Variants in ZNF385D observed in about 807,000 individuals in gnomAD.
ZNF385D encodes the protein zinc finger protein 385D.
Under a neutral mutation model 35.8 loss-of-function variants are expected in ZNF385D, and 15 were observed. The ratio of observed to expected loss-of-function variants is 0.42; its 90% CI spans 0.28 to 0.64. ZNF385D has a LOEUF of 0.64. ZNF385D is among the 30% of genes least tolerant of loss of function. The pLI is 0.23. For missense variants in ZNF385D, 474 were observed against 494.6 expected (o/e 0.96, Z 0.39); for synonymous variants, 212 against 186.8 (o/e 1.13, Z -1.10).
intron 3 of ZNF385D, among the ~76,000 whole-genome samples, chr3:22,049,630 ATGT>A (rs1416755574): frequency 1.3e-5 from 2 of 152,172 alleles, no homozygotes; most frequent in East Asian, 3.8e-4. Context: ...ATTTAGTTTG[ATGT>A]TATTAATACC....
Position 21,680,647 on chromosome 3 carries a change from G to A in ZNF385D, c.23-15619C>T, listed in dbSNP as rs565384125. 3.2e-3 allele frequency among the ~76,000 whole-genome samples: 492 copies of A among 152,206 alleles called. 2 individuals are homozygous for A. The highest frequency in any genetic ancestry group is 0.012 in the African/African-American group (478 of 41,538). On this transcript the variant is annotated intron_variant, in intron 1 of 7. Transcript: ENST00000281523. ...ACTAATCACATGGACTAGAATCATG[G>A]CCATTCAATTTTATAAGTGGCTTTC... is the stretch of plus-strand genomic sequence containing the variant.
chr3:21,427,334 A>G (rs1701067277), intron 5 of ZNF385D, among the ~76,000 whole-genome samples: 1 of 152,182 alleles, frequency 6.6e-6, no homozygotes, highest in Non-Finnish European at 1.5e-5. Flanking sequence ...TAGTAGGGCT[A>G]GTTTAGTTTA....
intron 3 of ZNF385D, among the ~76,000 whole-genome samples, chr3:21,982,033 C>CT (rs1448378260): frequency 1.3e-5 from 2 of 148,482 alleles, no homozygotes; most frequent in African/African-American, 5.0e-5. Context: ...TTAGGATCGC[C>CT]TTGGCTATTT....
intron 3 of ZNF385D, among the ~76,000 whole-genome samples, chr3:22,124,943 T>G (rs1252995673): frequency 1.3e-5 from 2 of 152,150 alleles, no homozygotes; most frequent in Admixed American, 1.3e-4. Context: ...TTGTCCAATT[T>G]TGGTTTGGTT....
intron 3 of ZNF385D, among the ~76,000 whole-genome samples, chr3:21,856,779 A>C (rs1380940119): frequency 1.3e-5 from 2 of 152,102 alleles, no homozygotes; most frequent in African/African-American, 4.8e-5. Flanking sequence ...AGGAACAACC[A>C]GCTCATAGGT....
At chr3:21,700,440 G>A (rs1016652598) in intron 1 of ZNF385D, among the ~76,000 whole-genome samples, 9 of 152,196 alleles carry the variant, frequency 5.9e-5, no homozygotes, top group African/African-American at 1.4e-4. Context: ...GACTTATATA[G>A]ATAAGCATTT....
At chr3:21,931,920 G>A (rs957465729) in intron 3 of ZNF385D, among the ~76,000 whole-genome samples, 1 of 152,020 alleles carries the variant, frequency 6.6e-6, no homozygotes, top group Non-Finnish European at 1.5e-5. Flanking sequence ...CCAGCACTTT[G>A]GGATGCCAAG....
At chr3:21,920,808 G>T (rs1700420789) in intron 3 of ZNF385D, among the ~76,000 whole-genome samples, 1 of 152,058 alleles carries the variant, frequency 6.6e-6, no homozygotes, top group African/African-American at 2.4e-5. Context: ...TCCCTGTTAT[G>T]ACAACAATCT....
intron 2 of ZNF385D, among the ~76,000 whole-genome samples, chr3:22,254,263 C>T (rs2125333175): frequency 6.6e-6 from 1 of 151,802 alleles, no homozygotes; most frequent in African/African-American, 2.4e-5. Context: ...TACTAGCAAA[C>T]ATAATTATGC....
At chr3:22,274,001 T>A (rs1290754925) in intron 2 of ZNF385D, among the ~76,000 whole-genome samples, 1 of 152,078 alleles carries the variant, frequency 6.6e-6, no homozygotes, top group Non-Finnish European at 1.5e-5. Flanking sequence ...AGCATTTGGA[T>A]ACTACTCATC....
At chr3:22,312,005 C>A (rs1236891628) in intron 2 of ZNF385D, among the ~76,000 whole-genome samples, 3 of 152,120 alleles carry the variant, frequency 2.0e-5, no homozygotes, top group African/African-American at 7.2e-5. Context: ...TAGAATCCTA[C>A]AATTATTATT....
chr3:21,686,292 A>G (rs1351617903), intron 1 of ZNF385D, among the ~76,000 whole-genome samples: 1 of 152,150 alleles, frequency 6.6e-6, no homozygotes, highest in Admixed American at 6.6e-5. Flanking sequence ...GGTTGCTATA[A>G]TTATTTTTGG....
At chr3:21,707,714 A>C (rs559785848) in intron 1 of ZNF385D, among the ~76,000 whole-genome samples, 102 of 152,346 alleles carry the variant, frequency 6.7e-4, no homozygotes, top group African/African-American at 2.4e-3. Context: ...TTATACTGAA[A>C]GTGAGATCAC....
chr3:22,343,813 A>T (rs1226251206), intron 2 of ZNF385D, among the ~76,000 whole-genome samples: 5 of 152,176 alleles, frequency 3.3e-5, no homozygotes, highest in Non-Finnish European at 7.3e-5. Context: ...TATCACATTC[A>T]GTGCCCCTTG....
chr3:21,989,687 A>C (rs1576098462), intron 3 of ZNF385D, among the ~76,000 whole-genome samples: 2 of 152,332 alleles, frequency 1.3e-5, no homozygotes, highest in African/African-American at 4.8e-5. Flanking sequence ...AATAAAAAAA[A>C]AAGGACAGCC....
intron 3 of ZNF385D, among the ~76,000 whole-genome samples, chr3:21,931,878 G>T (rs373691212): frequency 6.6e-6 from 1 of 152,052 alleles, no homozygotes; most frequent in Non-Finnish European, 1.5e-5. Context: ...AGTGTGACTT[G>T]AGGCCGGGCG....
At chr3:21,800,073 G>A (rs1227564862) in intron 3 of ZNF385D, among the ~76,000 whole-genome samples, 4 of 152,084 alleles carry the variant, frequency 2.6e-5, no homozygotes, top group African/African-American at 7.2e-5. Flanking sequence ...ATTTATTTCT[G>A]GACTATCACT....
At chr3:22,310,839 TTTAA>T (rs1277664284) in intron 2 of ZNF385D, among the ~76,000 whole-genome samples, 3 of 152,028 alleles carry the variant, frequency 2.0e-5, no homozygotes, top group Non-Finnish European at 2.9e-5. Flanking sequence ...TCCACTCATT[TTTAA>T]TTAACTTTTT....
At chr3:21,479,007 A>C (rs1360376000) in intron 4 of ZNF385D, among the ~76,000 whole-genome samples, 1 of 151,296 alleles carries the variant, frequency 6.6e-6, no homozygotes, top group Non-Finnish European at 1.5e-5. Context: ...AGAAATATAT[A>C]ACATGATAAA....
Sources: allele counts gnomAD v4.1 joint callset (sites outside exome capture counted in the v4.1 genomes callset), GRCh38; gene constraint gnomAD v4.1.1; transcripts MANE v1.5; gene names NCBI Gene and HGNC (gene_info 2026-07-23, HGNC 2026-07-21).